Variants in DISC1 observed in about 807,000 individuals in gnomAD.
The protein encoded by DISC1 is disrupted in schizophrenia 1 protein.
In DISC1, 57 loss-of-function variants were observed where a neutral mutation model predicts 84.5. The observed-to-expected ratio is 0.67, with a 90% CI of 0.55 to 0.84. DISC1 has a LOEUF of 0.84. DISC1 is among the 40% of genes least tolerant of loss of function. DISC1 has a pLI of 0.00. For missense variants in DISC1, 1,000 were observed against 1,057.8 expected (o/e 0.95, Z 0.76); for synonymous variants, 411 against 415.2 (o/e 0.99, Z 0.12).
At chr1:232,026,327 T>A in intron 11 of DISC1, 108 bp from the exon 12 acceptor site, 1 of 716,502 alleles carries the variant, frequency 1.4e-6, no homozygotes, top group Non-Finnish European at 2.4e-6. Context: ...CTAGCACAAT[T>A]CTGACTGAGG....
At position 231,659,421 on chromosome 1, in the gene DISC1, AAAC is replaced by A. The variant is rs2061400817; in HGVS notation, c.67+32488_67+32490del. On this transcript the variant is annotated intron_variant, in intron 1 of 12. Transcript: ENST00000439617. ...GATCTATTTTATTATTTTTTTCAAA[AAAC>A]CAGTTTCTGGATTTGTTGATTTTTT... Among the ~76,000 whole-genome samples the A allele has an allele frequency of 2.6e-5, 4 of 152,066 alleles. No individual in the cohort carries two copies. In the South Asian group the frequency reaches 8.3e-4, roughly 32 times the overall value.
intron 10 of DISC1, among the ~76,000 whole-genome samples, chr1:231,991,265 C>T (rs1441641383): frequency 6.6e-6 from 1 of 152,208 alleles, no homozygotes; most frequent in African/African-American, 2.4e-5. Context: ...TTCGGGAAGC[C>T]GTATGTTCTG....
At chr1:231,914,803 C>T (rs2089495460) in intron 9 of DISC1, among the ~76,000 whole-genome samples, 1 of 152,170 alleles carries the variant, frequency 6.6e-6, no homozygotes, top group Non-Finnish European at 1.5e-5. Context: ...CTACATTTTG[C>T]AAGATGTGAT....
chr1:231,872,369 C>A (rs1214489278), intron 9 of DISC1, among the ~76,000 whole-genome samples: 1 of 152,124 alleles, frequency 6.6e-6, no homozygotes, highest in South Asian at 2.1e-4. Context: ...ACTCCTAACT[C>A]CTTTTATTGA....
intron 9 of DISC1, among the ~76,000 whole-genome samples, chr1:231,834,042 T>C (rs1000100609): frequency 8.5e-5 from 13 of 152,334 alleles, no homozygotes; most frequent in African/African-American, 3.1e-4. Context: ...GCTGGGTTTT[T>C]ATAGTTGCTG....
At position 231,897,348 on chromosome 1, in the gene DISC1, A is replaced by G. The variant is rs9431719; in HGVS notation, c.1982-61480A>G. Among the ~76,000 whole-genome samples the G allele has an allele frequency of 0.54, 82,511 of 151,868 alleles. 22,660 individuals carry two copies. The highest frequency in any genetic ancestry group is 0.65 in the East Asian group (3,332 of 5,154). Reference sequence around the variant, plus strand: ...GTGTCTTTTCCTTGAAATGAATGGAACTTTTTGATTTTTTATCCTTACTTT... The same window carrying G: ...GTGTCTTTTCCTTGAAATGAATGGAGCTTTTTGATTTTTTATCCTTACTTT... On this transcript the variant is annotated intron_variant, in intron 9 of 12. Coordinates refer to ENST00000439617, the MANE Select transcript of DISC1 (RefSeq NM_018662.3). This position sits in a 1 kb window ranked among gnomAD's most constrained non-coding sequence, Gnocchi z 4.5.
chr1:231,822,481 G>C (rs2081564579), intron 9 of DISC1, among the ~76,000 whole-genome samples: 1 of 152,176 alleles, frequency 6.6e-6, no homozygotes, highest in Non-Finnish European at 1.5e-5. Flanking sequence ...CAGTTGAAGG[G>C]CAATGAGGTT....
At chr1:231,785,507 T>C (rs1340156038) in intron 6 of DISC1, among the ~76,000 whole-genome samples, 1 of 151,964 alleles carries the variant, frequency 6.6e-6, no homozygotes. Flanking sequence ...TTGTCCAGGC[T>C]GGTCTTGAAC....
intron 4 of DISC1, among the ~76,000 whole-genome samples, chr1:231,760,714 C>T (rs576899561): frequency 2.0e-5 from 3 of 152,288 alleles, no homozygotes; most frequent in South Asian, 2.1e-4. Context: ...CTAGCAGTTC[C>T]GGTGCAGGAT....
intron 10 of DISC1, among the ~76,000 whole-genome samples, chr1:231,960,235 T>C (rs1481148134): frequency 6.6e-6 from 1 of 152,150 alleles, no homozygotes; most frequent in Non-Finnish European, 1.5e-5. Flanking sequence ...TTAGTTTCCT[T>C]TACCTTCTTC....
Position 231,721,925 on chromosome 1 carries a change from G to A in DISC1, c.1117+19901G>A, listed in dbSNP as rs550096977. ...TCCCAGCACTTTGGGAGGTCGAGGC[G>A]GGCAGATCATGAGGTCAGGAGATTG... On this transcript the variant is annotated intron_variant, in intron 3 of 12. Coordinates refer to ENST00000439617, the MANE Select transcript of DISC1 (RefSeq NM_018662.3). Among the ~76,000 whole-genome samples, 15 of 152,234 alleles carry A rather than the reference G, an allele frequency of 9.9e-5. No homozygotes were observed. The South Asian group carries it at 2.1e-3, about 21-fold the overall frequency.
At chr1:231,667,293 A>G (rs1459148266) in intron 1 of DISC1, among the ~76,000 whole-genome samples, 1 of 152,244 alleles carries the variant, frequency 6.6e-6, no homozygotes, top group Non-Finnish European at 1.5e-5. Context: ...TGAGCTTTAC[A>G]GTCTGTCTGA....
At chr1:231,896,259 A>G (rs1431772441) in intron 9 of DISC1, among the ~76,000 whole-genome samples, 2 of 152,182 alleles carry the variant, frequency 1.3e-5, no homozygotes, top group Non-Finnish European at 1.5e-5. Flanking sequence ...GACATACCCT[A>G]CATTTTCCCT....
At chr1:231,827,200 C>A (rs1183672910) in intron 9 of DISC1, among the ~76,000 whole-genome samples, 1 of 152,112 alleles carries the variant, frequency 6.6e-6, no homozygotes. Context: ...CCTGGCCAGG[C>A]TGGTCTTGAA....
At chr1:232,002,595 G>A (rs1370352880) in intron 10 of DISC1, among the ~76,000 whole-genome samples, 1 of 143,626 alleles carries the variant, frequency 7.0e-6, no homozygotes, top group African/African-American at 2.6e-5. Flanking sequence ...ATTATGCTGA[G>A]CACACACACA....
chr1:231,890,579 G>A (rs887761538), intron 9 of DISC1, among the ~76,000 whole-genome samples: 7 of 152,230 alleles, frequency 4.6e-5, no homozygotes, highest in African/African-American at 1.7e-4. Context: ...CCCTGGTGAG[G>A]GAGGAATGGG....
Position 231,958,690 on chromosome 1 carries a change from G to A in DISC1, c.1982-138G>A, listed in dbSNP as rs998499980. 5 of 875,536 alleles carry A rather than the reference G, an allele frequency of 5.7e-6. No individual in the cohort carries two copies. In the Admixed American group the frequency reaches 1.2e-4, roughly 21 times the overall value. 54.2% of individuals were successfully genotyped at this position (875,536 alleles called of 1,614,324 possible). A position where few individuals can be genotyped will look rare whatever the true frequency, so the allele number is the denominator to read the frequency against. ...TTCAGGCAGCCACTCCAGTGGATTT[G>A]AGTGTTTTCCAAACATAGAATGTTA... is the stretch of plus-strand genomic sequence containing the variant. On this transcript the variant is annotated intron_variant, in intron 9 of 12. Coordinates refer to ENST00000439617, the MANE Select transcript of DISC1 (RefSeq NM_018662.3).
intron 1 of DISC1, among the ~76,000 whole-genome samples, chr1:231,671,504 G>C (rs1245217634): frequency 6.6e-6 from 1 of 152,084 alleles, no homozygotes; most frequent in Non-Finnish European, 1.5e-5. Context: ...CATTACCATA[G>C]CTCAGATTAA....
rs903773835 is a variant in DISC1 at position 232,038,283 on chromosome 1, C to T, written c.*1452C>T. 6.6e-5 allele frequency: 10 copies of T among 152,176 alleles called. No individual in the cohort carries two copies. Among genetic ancestry groups the T allele is most frequent in the African/African-American group, 1.9e-4 (8 of 41,440 alleles). 9.4% of individuals were successfully genotyped at this position (152,176 alleles called of 1,614,324 possible). On this transcript the variant is annotated 3_prime_UTR_variant, in exon 13 of 13. Transcript: ENST00000439617. ...CAGTAATGCAAGGGCATTTCAGGCT[C>T]CTGCTGGGCTGCTTCTTTGGCCCAG... is the stretch of plus-strand genomic sequence containing the variant.
Sources: gnomAD v4.1 joint callset for allele counts (sites outside exome capture counted in the v4.1 genomes callset) on GRCh38, gnomAD v4.1.1 for gene constraint, Gnocchi (gnomAD v3.1) non-coding constraint, MANE v1.5 for transcripts, NCBI Gene and HGNC (gene_info 2026-07-23, HGNC 2026-07-21) for gene names.